The following NSD2 variants were observed in gnomAD, a reference collection of about 807,000 sequenced individuals.
The protein encoded by NSD2 is nuclear receptor binding SET domain protein 2, also known as histone-lysine N-methyltransferase NSD2.
In NSD2, 12 loss-of-function variants were observed where a neutral mutation model predicts 139.0. The observed-to-expected ratio is 0.09, with a 90% CI of 0.06 to 0.14. The LOEUF is 0.14. Ranked by LOEUF, NSD2 falls within the 10% of genes least tolerant of loss-of-function variation. The pLI is 1.00. For synonymous variants in NSD2, 669 were observed against 648.7 expected (o/e 1.03, Z -0.48); for missense variants, 1,155 against 1,745.0 (o/e 0.66, Z 6.02).
chr4:1,961,801 A>G (rs1226310715), intron 18 of NSD2, among the ~76,000 whole-genome samples: 1 of 152,194 alleles, frequency 6.6e-6, no homozygotes, highest in Non-Finnish European at 1.5e-5. Context: ...GGTGCGTGTC[A>G]TCCCTTCCCT....
intron 2 of NSD2, 111 bp downstream of exon 2, chr4:1,901,362 C>T (rs1312514046): frequency 1.0e-6 from 1 of 973,592 alleles, no homozygotes; most frequent in East Asian, 2.5e-5. Flanking sequence ...TGAGGACAGG[C>T]CTGGTACTTC....
intron 1 of NSD2, among the ~76,000 whole-genome samples, chr4:1,877,079 A>G (rs989890552): frequency 6.6e-6 from 1 of 151,708 alleles, no homozygotes; most frequent in Non-Finnish European, 1.5e-5. Flanking sequence ...AGAGGTTGAA[A>G]TGAGCCGAGA....
intron 9 of NSD2, among the ~76,000 whole-genome samples, chr4:1,949,373 T>C (rs574387690): frequency 1.1e-4 from 16 of 152,216 alleles, no homozygotes; most frequent in Non-Finnish European, 2.1e-4. Context: ...CTTTAGACTT[T>C]GTGCTGTCAG....
At chr4:1,935,089 A>G in intron 6 of NSD2, 55 bp from the exon 7 acceptor site, 1 of 1,465,072 alleles carries the variant, frequency 6.8e-7, no homozygotes, top group East Asian at 2.3e-5. Flanking sequence ...ACAGTGCTTC[A>G]AATGCAGCTT....
chr4:1,949,851 C>A (rs1015706242), intron 9 of NSD2, among the ~76,000 whole-genome samples: 2 of 151,988 alleles, frequency 1.3e-5, no homozygotes, highest in Non-Finnish European at 2.9e-5. Context: ...TTTCTTCCAC[C>A]GCTCCCTGCA....
Position 1,904,443 on chromosome 4 carries a change from G to A in NSD2, c.760+65G>A. ...TGCACTTAATCTTTCTCATCTCCAG[G>A]CTTCTTTCTTACTCTTTCTAAATAG... On this transcript the variant is annotated intron_variant, in intron 3 of 21. Coordinates refer to ENST00000508803, the MANE Select transcript of NSD2 (RefSeq NM_001042424.3). 5 of 1,511,974 alleles carry A rather than the reference G, an allele frequency of 3.3e-6. No homozygotes were observed. The South Asian group carries it at 5.2e-5, about 16-fold the overall frequency. The allele number at this position is 1,511,974 out of a possible 1,614,324, so 93.7% of individuals were successfully genotyped here.
chr4:1,969,540 C>T (rs1198673677), intron 18 of NSD2, among the ~76,000 whole-genome samples: 1 of 140,370 alleles, frequency 7.1e-6, no homozygotes, highest in East Asian at 2.0e-4. Context: ...CTTGTCTCTA[C>T]TAAAAAAAAA....
At chr4:1,911,885 TC>T (rs1718742772) in intron 3 of NSD2, among the ~76,000 whole-genome samples, 1 of 152,194 alleles carries the variant, frequency 6.6e-6, no homozygotes, top group African/African-American at 2.4e-5. Context: ...CTGCTTTTTT[TC>T]CCACCTGACA....
Position 1,938,870 on chromosome 4 carries a change from C to G in NSD2, c.1756+338C>G, listed in dbSNP as rs373976765. 3.9e-5 allele frequency among the ~76,000 whole-genome samples: 6 copies of G among 152,314 alleles called. No individual in the cohort carries two copies. The East Asian group carries it at 9.6e-4, about 24-fold the overall frequency. ...TCTTACTTGATGGTGCCAGTTGCTA[C>G]TGTAAATTCTGTCACCCTTCAGTAC... is the stretch of plus-strand genomic sequence containing the variant. On this transcript the variant is annotated intron_variant, in intron 8 of 21. Transcript: ENST00000508803.
chr4:1,958,181 G>C lies in NSD2; in HGVS notation c.2985+145G>C. 1 of 761,000 alleles carries C rather than the reference G, an allele frequency of 1.3e-6. No homozygotes were observed. The highest frequency in any genetic ancestry group is 1.8e-5 in the South Asian group (1 of 56,428). The allele number at this position is 761,000 out of a possible 1,614,324, so 47.1% of individuals were successfully genotyped here. A position where few individuals can be genotyped will look rare whatever the true frequency, so the allele number is the denominator to read the frequency against. ...GTGCCTGGCATGGATGGCCACACAAGAGACCATGAGCAAATGGCATGGGGG... is the reference window on the plus strand; with the variant it reads ...GTGCCTGGCATGGATGGCCACACAACAGACCATGAGCAAATGGCATGGGGG... On this transcript the variant is annotated intron_variant, in intron 16 of 21. Transcript: ENST00000508803. This position sits in a 1 kb window ranked among gnomAD's most constrained non-coding sequence, Gnocchi z 4.6.
Position 1,943,248 on chromosome 4 carries a change from T to C in NSD2, c.1881+3470T>C, listed in dbSNP as rs1479909846. 9.6e-6 allele frequency: 10 copies of C among 1,041,902 alleles called. No homozygotes were observed. In the African/African-American group the frequency reaches 1.7e-4, roughly 17 times the overall value. The allele number at this position is 1,041,902 out of a possible 1,614,324, so 64.5% of individuals were successfully genotyped here. On this transcript the variant is annotated intron_variant, in intron 9 of 21. Transcript: ENST00000508803. ...TGTGCTATTCACAGTACCATGCGAG[T>C]AGCCCACAGTTAATTCCCGGCAGAT...
chr4:1,950,348 TATCC>T (rs1297859960), intron 9 of NSD2, among the ~76,000 whole-genome samples: 1 of 152,206 alleles, frequency 6.6e-6, no homozygotes, highest in Non-Finnish European at 1.5e-5. Flanking sequence ...TCCATGCCTT[TATCC>T]CAGGCCTTTT....
Position 1,974,744 on chromosome 4 carries a change from C to A in NSD2, c.3373-119C>A. ...CTGTCTCAGTGGACACAGGACACCA[C>A]GGTTTTCAGTACAACAAGGAACACA... On this transcript the variant is annotated intron_variant, in intron 18 of 21. Coordinates refer to ENST00000508803, the MANE Select transcript of NSD2 (RefSeq NM_001042424.3). The surrounding 1 kb of genome is among the most constrained non-coding windows in gnomAD (Gnocchi z 4.0). 2 of 1,436,418 alleles carry A rather than the reference C, an allele frequency of 1.4e-6. No homozygotes were observed. The highest frequency in any genetic ancestry group is 1.9e-6 in the Non-Finnish European group (2 of 1,027,642). 89.0% of individuals were successfully genotyped at this position (1,436,418 alleles called of 1,614,324 possible). A position where few individuals can be genotyped will look rare whatever the true frequency, so the allele number is the denominator to read the frequency against.
rs190463545 is a variant in NSD2 at position 1,933,390 on chromosome 4, A to G, written c.1556-1754A>G. Among the ~76,000 whole-genome samples the G allele has an allele frequency of 2.1e-3, 327 of 152,196 alleles. 1 individual carries two copies. The highest frequency in any genetic ancestry group is 7.6e-3 in the African/African-American group (316 of 41,540). Reference sequence around the variant, plus strand: ...CAGGGCAACAGTGTCCTTCTGCAAGATGTTTTTTTTCTTTGAGTTGGAGTC... The same window carrying G: ...CAGGGCAACAGTGTCCTTCTGCAAGGTGTTTTTTTTCTTTGAGTTGGAGTC... On this transcript the variant is annotated intron_variant, in intron 6 of 21. Coordinates refer to ENST00000508803, the MANE Select transcript of NSD2 (RefSeq NM_001042424.3).
At chr4:1,913,727 A>G (rs1002697838) in intron 3 of NSD2, among the ~76,000 whole-genome samples, 3 of 152,036 alleles carry the variant, frequency 2.0e-5, no homozygotes, top group South Asian at 2.1e-4. Context: ...CCTTGTATAC[A>G]ATAAATAACA....
At chr4:1,874,416 C>T (rs372898352) in intron 1 of NSD2, among the ~76,000 whole-genome samples, 4 of 152,204 alleles carry the variant, frequency 2.6e-5, no homozygotes, top group East Asian at 1.9e-4. Flanking sequence ...CCTTTCTCCC[C>T]TGTTGGGTTA....
rs535911075 is a variant in NSD2 at position 1,979,423 on chromosome 4, G to A, written c.*514G>A. 1 of 233,856 alleles carries A rather than the reference G, an allele frequency of 4.3e-6. No individual in the cohort carries two copies. Among genetic ancestry groups the A allele is most frequent in the Non-Finnish European group, 8.4e-6 (1 of 118,492 alleles). The allele number at this position is 233,856 out of a possible 1,614,324, so 14.5% of individuals were successfully genotyped here. A position where few individuals can be genotyped will look rare whatever the true frequency, so the allele number is the denominator to read the frequency against. The stretch of plus-strand genomic sequence containing the variant: ...CATTGTGATCATTACTCTGCTCTTT[G>A]GAAATGGCTGTATCATTTTTTTGTA... On this transcript the variant is annotated 3_prime_UTR_variant, in exon 22 of 22. Transcript: ENST00000508803.
At chr4:1,903,282 T>A (rs916455179) in intron 2 of NSD2, among the ~76,000 whole-genome samples, 1 of 152,252 alleles carries the variant, frequency 6.6e-6, no homozygotes. Context: ...CCATGCTGGC[T>A]GTGCTTATTT....
intron 9 of NSD2, chr4:1,943,346 G>T: frequency 9.6e-6 from 10 of 1,042,376 alleles, no homozygotes; most frequent in Non-Finnish European, 1.2e-5. Flanking sequence ...GTAATGTAAC[G>T]CATGTAAGAT....
Sources: allele counts gnomAD v4.1 joint callset (sites outside exome capture counted in the v4.1 genomes callset), GRCh38; gene constraint gnomAD v4.1.1; non-coding constraint Gnocchi (gnomAD v3.1); transcripts MANE v1.5; gene names NCBI Gene and HGNC (gene_info 2026-07-23, HGNC 2026-07-21).